NAP1L4: variants seen among roughly 807,000 people sequenced by gnomAD.
NAP1L4 encodes nucleosome assembly protein 1 like 4.
NAP1L4 carries 15 observed loss-of-function variants against 58.2 expected under a neutral mutation model. The observed-to-expected ratio is 0.26, with a 90% CI of 0.17 to 0.40. The LOEUF is 0.40. Among genes scored for constraint, NAP1L4 ranks in the 10% least tolerant of loss-of-function variants. The pLI, the probability that NAP1L4 is intolerant of heterozygous loss-of-function variation, is 1.00. For synonymous variants in NAP1L4, 171 were observed against 155.6 expected, an observed-to-expected ratio of 1.10 and a Z score of -0.74; for missense variants, 384 against 451.1, an observed-to-expected ratio of 0.85 and a Z score of 1.35.
intron 1 of NAP1L4, among the ~76,000 whole-genome samples, chr11:2,986,252 A>G (rs6578308): frequency 0.84 from 127,489 of 151,958 alleles, 53,916 homozygotes; most frequent in African/African-American, 0.94. Flanking sequence ...CACACGCCTG[A>G]GGTCCCAGCT....
At chr11:2,974,653 T>C (rs891295655) in intron 4 of NAP1L4, among the ~76,000 whole-genome samples, 5 of 152,320 alleles carry the variant, frequency 3.3e-5, no homozygotes, top group South Asian at 4.1e-4. Flanking sequence ...CCCAGCACTT[T>C]GGGAGGCCAA....
intron 10 of NAP1L4, among the ~76,000 whole-genome samples, chr11:2,957,567 T>C (rs1421387435): frequency 3.9e-5 from 6 of 152,224 alleles, no homozygotes; most frequent in Non-Finnish European, 5.9e-5. Flanking sequence ...TTTTAGTTCA[T>C]GGAAACTAAA....
intron 1 of NAP1L4, among the ~76,000 whole-genome samples, chr11:2,982,858 TAAA>T (rs1408279407): frequency 6.6e-6 from 1 of 152,010 alleles, no homozygotes; most frequent in Non-Finnish European, 1.5e-5. Context: ...CCGTCTCTAC[TAAA>T]AATACAAAAA....
chr11:2,973,765 G>A (rs528690819), intron 4 of NAP1L4, among the ~76,000 whole-genome samples: 1 of 152,130 alleles, frequency 6.6e-6, no homozygotes, highest in East Asian at 1.9e-4. Context: ...TTCTGCACTG[G>A]TCATTCATTC....
Position 2,951,221 on chromosome 11 carries a change from CA to C in NAP1L4, c.1122+37del, listed in dbSNP as rs771876647. 1 of 1,547,138 alleles carries C rather than the reference CA, an allele frequency of 6.5e-7. No homozygotes were observed. The highest frequency in any genetic ancestry group is 8.9e-7 in the Non-Finnish European group (1 of 1,120,492). On this transcript the variant is annotated intron_variant, in intron 14 of 15. Coordinates refer to ENST00000380542, the MANE Select transcript of NAP1L4 (RefSeq NM_005969.4). This position sits in a 1 kb window ranked among gnomAD's most constrained non-coding sequence, Gnocchi z 4.0. ...CATTTTTAAAAGTCTAAGAGTGCAG[CA>C]TAATAAGTAGGTCTGGGTGGCCCCA...
At chr11:2,966,950 G>A (rs911544855) in intron 7 of NAP1L4, among the ~76,000 whole-genome samples, 3 of 152,206 alleles carry the variant, frequency 2.0e-5, no homozygotes, top group East Asian at 1.9e-4. Flanking sequence ...ACTGGCAGAC[G>A]CTCAGACTCA....
chr11:2,986,056 T>C (rs1008775859), intron 1 of NAP1L4, among the ~76,000 whole-genome samples: 1 of 152,240 alleles, frequency 6.6e-6, no homozygotes, highest in South Asian at 2.1e-4. Flanking sequence ...TGAAAACATC[T>C]ACTCCATAGC....
chr11:2,951,921 C>T lies in NAP1L4; in HGVS notation c.1036-112G>A. 9.6e-7 allele frequency: 1 copy of T among 1,043,520 alleles called. No homozygotes were observed. 64.6% of individuals were successfully genotyped at this position (1,043,520 alleles called of 1,614,324 possible). A position where few individuals can be genotyped will look rare whatever the true frequency, so the allele number is the denominator to read the frequency against. On this transcript the variant is annotated intron_variant, in intron 12 of 15. Transcript: ENST00000380542. This position sits in a 1 kb window ranked among gnomAD's most constrained non-coding sequence, Gnocchi z 4.0. The stretch of plus-strand genomic sequence containing the variant: ...ACCAAGCCTAAGAGGAGCAGAAAGT[C>T]CAGCCACGCTGCCTGCTGGGCCTCG...
chr11:2,986,166 G>C lies in NAP1L4; in HGVS notation c.-18+6088C>G, dbSNP rs541372163. Among the ~76,000 whole-genome samples the C allele has an allele frequency of 6.6e-5, 10 of 152,210 alleles. No homozygotes were observed. The South Asian group carries it at 1.5e-3, about 22-fold the overall frequency. ...AGGCGGGCGGATCACATGAGGTCGG[G>C]AGTTCGAGGTCAGCCTGGCCAACGT... is the stretch of plus-strand genomic sequence containing the variant. On this transcript the variant is annotated intron_variant, in intron 1 of 15. Coordinates refer to ENST00000380542, the MANE Select transcript of NAP1L4 (RefSeq NM_005969.4).
chr11:2,977,928 G>A (rs1325626264), intron 3 of NAP1L4, among the ~76,000 whole-genome samples: 2 of 151,100 alleles, frequency 1.3e-5, no homozygotes, highest in East Asian at 3.9e-4. Context: ...AACTACCTGG[G>A]AGGCTGCGGC....
intron 1 of NAP1L4, among the ~76,000 whole-genome samples, chr11:2,986,401 A>G (rs1848626393): frequency 6.6e-6 from 1 of 151,352 alleles, no homozygotes; most frequent in East Asian, 1.9e-4. Flanking sequence ...AAAGAAAGGA[A>G]AAAAAAATTG....
chr11:2,977,941 G>GA (rs1302519921), intron 3 of NAP1L4, among the ~76,000 whole-genome samples: 1 of 151,176 alleles, frequency 6.6e-6, no homozygotes, highest in African/African-American at 2.4e-5. Context: ...GCTGCGGCAG[G>GA]AAACTGCTTG....
At chr11:2,956,424 T>TA (rs1368326020) in intron 10 of NAP1L4, among the ~76,000 whole-genome samples, 2 of 152,130 alleles carry the variant, frequency 1.3e-5, no homozygotes, top group Non-Finnish European at 2.9e-5. Context: ...TTTAGAAACA[T>TA]TTACTACAAG....
At chr11:2,987,258 T>C (rs770690853) in intron 1 of NAP1L4, among the ~76,000 whole-genome samples, 22 of 152,058 alleles carry the variant, frequency 1.4e-4, no homozygotes, top group Non-Finnish European at 2.4e-4. Context: ...GATCAGAAGT[T>C]AATCATGTTG....
chr11:2,991,439 A>T, intron 1 of NAP1L4: 6 of 169,672 alleles, frequency 3.5e-5, no homozygotes, highest in Non-Finnish European at 5.2e-5. Flanking sequence ...AACATGTACA[A>T]TTTTTTTTTT....
chr11:2,954,078 CTTTTT>C lies in NAP1L4; in HGVS notation c.1035+444_1035+448del, dbSNP rs1259182092. Among the ~76,000 whole-genome samples the C allele has an allele frequency of 6.6e-6, 1 of 151,934 alleles. No homozygotes were observed. The highest frequency in any genetic ancestry group is 6.6e-5 in the Admixed American group (1 of 15,254). ...TTGTTTTCTTCGGGAGCACGGGTTT[CTTTTT>C]TTTCCTTTTTACCTAATTAGATAGA... is the stretch of plus-strand genomic sequence containing the variant. On this transcript the variant is annotated intron_variant, in intron 12 of 15. Transcript: ENST00000380542. The surrounding 1 kb of genome is among the most constrained non-coding windows in gnomAD (Gnocchi z 4.8).
Position 2,951,997 on chromosome 11 carries a change from A to C in NAP1L4, c.1036-188T>G. On this transcript the variant is annotated intron_variant, in intron 12 of 15. Coordinates refer to ENST00000380542, the MANE Select transcript of NAP1L4 (RefSeq NM_005969.4). The surrounding 1 kb of genome is among the most constrained non-coding windows in gnomAD (Gnocchi z 4.0). ...GTGCAGCGCATTTTAAAAGCATGCC[A>C]GGAAATTGAAAGTCACGCAAAACAA... The C allele has an allele frequency of 1.6e-6, 1 of 639,392 alleles. No individual in the cohort carries two copies. Among genetic ancestry groups the C allele is most frequent in the Non-Finnish European group, 2.8e-6 (1 of 357,202 alleles). 39.6% of individuals were successfully genotyped at this position (639,392 alleles called of 1,614,324 possible).
intron 4 of NAP1L4, among the ~76,000 whole-genome samples, chr11:2,972,983 A>T (rs1309542589): frequency 6.6e-6 from 1 of 152,194 alleles, no homozygotes; most frequent in Non-Finnish European, 1.5e-5. Context: ...CAAAAGGAAA[A>T]AAAAAAATTT....
Position 2,972,185 on chromosome 11 carries a change from C to T in NAP1L4, c.232G>A (p.Ala78Thr). The T allele has an allele frequency of 2.5e-6, 4 of 1,609,144 alleles. No homozygotes were observed. Among genetic ancestry groups the T allele is most frequent in the Admixed American group, 1.7e-5 (1 of 58,904 alleles). Residue 78 changes from alanine to threonine, a missense_variant, in exon 5 of 16, where the codon GCT (alanine) becomes ACT (threonine). Around this residue, in one of 3 missense-constraint regions of NAP1L4, gnomAD observed 296 missense variants for 360.8 expected, o/e 0.82. Transcript: ENST00000380542. ...TCATAGAACTTGGCTTCTATGTGAG[C>T]ACATCTCACCTGAAGTTGTTTCAAT... ...NALKQLQVRC[A>T]HIEAKFYEEV...
Sources: gnomAD v4.1 joint callset for allele counts (sites outside exome capture counted in the v4.1 genomes callset) on GRCh38, gnomAD v4.1.1 for gene constraint, gnomAD v4.1.1 regional missense constraint, Gnocchi (gnomAD v3.1) non-coding constraint, MANE v1.5 for transcripts, NCBI Gene and HGNC (gene_info 2026-07-23, HGNC 2026-07-21) for gene names.